Variants in ZNF613 observed in about 807,000 individuals in gnomAD.
ZNF613 encodes zinc finger protein 613.
Under a neutral mutation model 14.3 loss-of-function variants are expected in ZNF613, and 8 were observed. The observed-to-expected ratio is 0.56, with a 90% CI of 0.33 to 1.01. ZNF613 has a LOEUF of 1.01. ZNF613 is among the 50% of genes least tolerant of loss of function. The probability of loss-of-function intolerance (pLI) is 0.03; values close to 1 mark genes in which losing one functional copy is unlikely to be tolerated. For missense variants in ZNF613, 656 were observed against 741.9 expected (o/e 0.88, Z 1.35); for synonymous variants, 228 against 254.5 (o/e 0.90, Z 0.99).
chr19:51,939,334 A>C (rs889690690), intron 3 of ZNF613, among the ~76,000 whole-genome samples: 1 of 150,612 alleles, frequency 6.6e-6, no homozygotes, highest in Non-Finnish European at 1.5e-5. Context: ...ATTTTTATTT[A>C]TGTATTTATT....
chr19:51,933,211 C>T (rs563567021), intron 2 of ZNF613, among the ~76,000 whole-genome samples: 1 of 152,168 alleles, frequency 6.6e-6, no homozygotes, highest in East Asian at 1.9e-4. Flanking sequence ...TCAGTCTATA[C>T]GAGTGCTTTT....
rs191062452 is a variant in ZNF613 at position 51,933,240 on chromosome 19, A to G, written c.-193-2788A>G. Among the ~76,000 whole-genome samples, 215 of 152,230 alleles carry G rather than the reference A, an allele frequency of 1.4e-3. 1 individual carries two copies. Among genetic ancestry groups the G allele is most frequent in the African/African-American group, 5.1e-3 (211 of 41,542 alleles). On this transcript the variant is annotated intron_variant, in intron 2 of 5. Coordinates refer to ENST00000293471, the MANE Select transcript of ZNF613 (RefSeq NM_001031721.4). ...TGCTTTTGAATGGTATAATTTCCTCAAGACACTTTCCTCCTACCTTTTTCT... is the reference window on the plus strand; with the variant it reads ...TGCTTTTGAATGGTATAATTTCCTCGAGACACTTTCCTCCTACCTTTTTCT...
chr19:51,946,228 G>A lies in ZNF613; in HGVS notation c.*491G>A, dbSNP rs16983256. 0.16 allele frequency: 25,490 copies of A among 158,254 alleles called. 2,712 individuals are homozygous for A. Among genetic ancestry groups the A allele is most frequent in the African/African-American group, 0.3 (12,519 of 41,498 alleles). 9.8% of individuals were successfully genotyped at this position (158,254 alleles called of 1,614,324 possible). A position where few individuals can be genotyped will look rare whatever the true frequency, so the allele number is the denominator to read the frequency against. On this transcript the variant is annotated 3_prime_UTR_variant, in exon 6 of 6. Transcript: ENST00000293471. ...AAGCAAATAAGCCCTGTGAAAAGGA[G>A]TATTTTAGAGATTTCGATCAGAAAT... is the stretch of plus-strand genomic sequence containing the variant.
At chr19:51,936,347 G>C (rs1243558825) in intron 3 of ZNF613, 112 bp downstream of exon 3, 1 of 1,111,212 alleles carries the variant, frequency 9.0e-7, no homozygotes, top group African/African-American at 1.6e-5. Context: ...TAGGATTTGT[G>C]CATCAGTAAA....
chr19:51,944,649 G>C lies in ZNF613; in HGVS notation c.766G>C (p.Gly256Arg), dbSNP rs1217656633. Residue 256 changes from glycine to arginine, a missense_variant, in exon 6 of 6, where the codon GGA (glycine) becomes CGA (arginine). Transcript: ENST00000293471. The stretch of plus-strand genomic sequence containing the variant: ...CACTGAACACCAGAGAAACCACACA[G>C]GAGAGAAACCCTATGAATGCACTGA... ...GLTEHQRNHT[G>R]EKPYECTECD... is the part of the protein sequence containing the mutation. 2.5e-6 allele frequency: 4 copies of C among 1,614,170 alleles called. No individual in the cohort carries two copies. The highest frequency in any genetic ancestry group is 3.4e-6 in the Non-Finnish European group (4 of 1,180,032).
intron 3 of ZNF613, among the ~76,000 whole-genome samples, chr19:51,936,773 C>T (rs532177918): frequency 6.6e-6 from 1 of 152,344 alleles, no homozygotes; most frequent in Admixed American, 6.5e-5. Flanking sequence ...TTGTGAGCCA[C>T]TATGCCTGGT....
chr19:51,944,433 T>G lies in ZNF613; in HGVS notation c.550T>G (p.Ser184Ala). ...AATGAACTTCCCCGAAGGTGGAAAT[T>G]CTGTGAATACAAATTCACAATTCAT... is the stretch of plus-strand genomic sequence containing the variant. Reference protein sequence around the residue: ...NEMNFPEGGNSVNTNSQFIKH... With the variant: ...NEMNFPEGGNAVNTNSQFIKH... Residue 184 changes from serine (S) to alanine (A), a missense_variant, in exon 6 of 6, where the codon TCT becomes GCT. Transcript: ENST00000293471. The G allele has an allele frequency of 6.2e-7, 1 of 1,607,056 alleles. No individual in the cohort carries two copies. The highest frequency in any genetic ancestry group is 8.5e-7 in the Non-Finnish European group (1 of 1,174,722).
intron 1 of ZNF613, among the ~76,000 whole-genome samples, chr19:51,928,853 C>CAAAA (rs58085445): frequency 1.0e-5 from 1 of 96,962 alleles, no homozygotes; most frequent in African/African-American, 3.4e-5. Flanking sequence ...GACCCTGCCT[C>CAAAA]AAAAAAAAAA....
intron 1 of ZNF613, among the ~76,000 whole-genome samples, chr19:51,928,270 G>A (rs2085234315): frequency 6.6e-6 from 1 of 152,122 alleles, no homozygotes; most frequent in African/African-American, 2.4e-5. Flanking sequence ...AGGAGCCCGG[G>A]TTCATGTGAA....
intron 2 of ZNF613, among the ~76,000 whole-genome samples, chr19:51,935,012 G>A (rs867969275): frequency 2.6e-5 from 4 of 152,206 alleles, no homozygotes; most frequent in African/African-American, 9.7e-5. Context: ...GGATGAGTCA[G>A]TGCAGACCCT....
chr19:51,941,469 T>A (rs576418257), intron 5 of ZNF613, among the ~76,000 whole-genome samples: 46 of 152,184 alleles, frequency 3.0e-4, no homozygotes, highest in African/African-American at 1.1e-3. Flanking sequence ...TGATTTTTTT[T>A]TTCCAAAGGT....
chr19:51,929,268 C>G (rs1387694964), intron 1 of ZNF613, among the ~76,000 whole-genome samples: 3 of 152,034 alleles, frequency 2.0e-5, no homozygotes, highest in Non-Finnish European at 4.4e-5. Context: ...CAAAACTGCA[C>G]CACTGTGACT....
intron 3 of ZNF613, among the ~76,000 whole-genome samples, chr19:51,939,046 A>G (rs929521819): frequency 2.6e-4 from 40 of 151,490 alleles, no homozygotes; most frequent in African/African-American, 9.0e-4. Context: ...CCTTTCCATT[A>G]TTGTATTTTC....
rs1443901620 is a variant in ZNF613 at position 51,940,709 on chromosome 19, G to A, written c.235G>A (p.Glu79Lys). The change falls in exon 5 of 6, where the codon GAA becomes AAA. Residue 79 changes from glutamate (E) to lysine (K), a missense_variant and splice_region_variant. Glu to Lys is a moderately conservative substitution (Grantham distance 56). Transcript: ENST00000293471. ...ENEIHSQICP[E>K]IKKVDNHLQM... ...TGAAATCCACAGCCAAATCTGTCCAGGTGAGTTCAGGGTGAGAGCCAGCAA... is the reference window on the plus strand; with the variant it reads ...TGAAATCCACAGCCAAATCTGTCCAAGTGAGTTCAGGGTGAGAGCCAGCAA... 1.1e-5 allele frequency: 17 copies of A among 1,610,766 alleles called. No homozygotes were observed. The highest frequency in any genetic ancestry group is 1.4e-5 in the Non-Finnish European group (17 of 1,178,314).
intron 5 of ZNF613, among the ~76,000 whole-genome samples, chr19:51,943,464 T>A (rs933713624): frequency 6.6e-6 from 1 of 152,232 alleles, no homozygotes; most frequent in African/African-American, 2.4e-5. Context: ...TGTCACTTAG[T>A]AGCCATCTTG....
intron 1 of ZNF613, among the ~76,000 whole-genome samples, chr19:51,928,867 AAAG>A (rs2085241191): frequency 1.3e-5 from 2 of 151,748 alleles, no homozygotes; most frequent in Admixed American, 6.6e-5. Flanking sequence ...AAAAAAAAAA[AAAG>A]AAAAGAAAAG....
chr19:51,942,629 C>T (rs1411206511), intron 5 of ZNF613: 1 of 151,742 alleles, frequency 6.6e-6, no homozygotes, highest in Admixed American at 6.6e-5. Flanking sequence ...GAAGTAAGGA[C>T]AGTGTGGTGG....
At chr19:51,929,563 G>T (rs965043592) in intron 1 of ZNF613, among the ~76,000 whole-genome samples, 169 bp from the exon 2 acceptor site, 1 of 152,028 alleles carries the variant, frequency 6.6e-6, no homozygotes, top group Non-Finnish European at 1.5e-5. Context: ...TGTTCTCCAG[G>T]TTACAAAAAC....
At chr19:51,943,172 C>A (rs2085364399) in intron 5 of ZNF613, among the ~76,000 whole-genome samples, 1 of 152,106 alleles carries the variant, frequency 6.6e-6, no homozygotes, top group African/African-American at 2.4e-5. Flanking sequence ...TGCTATAGTA[C>A]CAGAAAGAGT....
Sources: gnomAD v4.1 joint callset for allele counts (sites outside exome capture counted in the v4.1 genomes callset) on GRCh38, gnomAD v4.1.1 for gene constraint, MANE v1.5 for transcripts, NCBI Gene and HGNC (gene_info 2026-07-23, HGNC 2026-07-21) for gene names.